GALNTL6: variants seen among roughly 807,000 people sequenced by gnomAD.
GALNTL6 encodes the protein polypeptide N-acetylgalactosaminyltransferase-like 6.
A neutral mutation model predicts 73.7 loss-of-function variants in GALNTL6; 46 were observed. That is an observed-to-expected ratio of 0.62 (90% CI 0.49 to 0.80). GALNTL6 has a LOEUF of 0.80. Among genes scored for constraint, GALNTL6 ranks in the 30% least tolerant of loss-of-function variants. The pLI is 0.00. For synonymous variants in GALNTL6, 259 were observed against 263.7 expected (o/e 0.98, Z 0.17); for missense variants, 604 against 755.0 (o/e 0.80, Z 2.34).
rs539378748 is a variant in GALNTL6 at position 172,725,533 on chromosome 4, A to G, written c.554-83828A>G. 2.0e-5 allele frequency among the ~76,000 whole-genome samples: 3 copies of G among 152,344 alleles called. No individual in the cohort carries two copies. In the South Asian group the frequency reaches 6.2e-4, roughly 32 times the overall value. On this transcript the variant is annotated intron_variant, in intron 5 of 12. Transcript: ENST00000506823. ...CTTTATCAAAGATAATCAAAATTAT[A>G]AACAGTATAAATGTTCCTAATTAGG...
At chr4:172,763,811 G>T (rs1027565036) in intron 5 of GALNTL6, among the ~76,000 whole-genome samples, 1 of 152,044 alleles carries the variant, frequency 6.6e-6, no homozygotes, top group African/African-American at 2.4e-5. Flanking sequence ...TAAAAATGAA[G>T]ACCTAAGAAT....
intron 3 of GALNTL6, among the ~76,000 whole-genome samples, chr4:172,234,929 T>C (rs927864285): frequency 5.9e-5 from 9 of 152,138 alleles, no homozygotes; most frequent in African/African-American, 2.2e-4. Flanking sequence ...ACCTGAACTT[T>C]TCTTGGAGCA....
chr4:172,115,104 A>G (rs1472180912), intron 2 of GALNTL6, among the ~76,000 whole-genome samples: 2 of 152,084 alleles, frequency 1.3e-5, no homozygotes, highest in Non-Finnish European at 2.9e-5. Context: ...CCTTTCTACT[A>G]TCATTTATTC....
intron 2 of GALNTL6, among the ~76,000 whole-genome samples, chr4:172,083,305 T>A (rs1456019826): frequency 2.0e-5 from 3 of 152,184 alleles, no homozygotes; most frequent in African/African-American, 7.2e-5. Context: ...TGATCCTTTT[T>A]ATACATATTA....
chr4:172,788,149 C>T (rs1006362996), intron 5 of GALNTL6, among the ~76,000 whole-genome samples: 5 of 151,896 alleles, frequency 3.3e-5, no homozygotes, highest in Non-Finnish European at 5.9e-5. Flanking sequence ...AATTTGAGAC[C>T]AGCCTGGGCA....
chr4:172,094,392 G>A (rs1047488134), intron 2 of GALNTL6, among the ~76,000 whole-genome samples: 10 of 151,952 alleles, frequency 6.6e-5, no homozygotes, highest in Non-Finnish European at 1.3e-4. Context: ...ATAATTTGGG[G>A]TTCAATCAAG....
intron 2 of GALNTL6, among the ~76,000 whole-genome samples, chr4:172,206,861 A>G (rs1398238507): frequency 8.3e-6 from 1 of 119,796 alleles, no homozygotes; most frequent in East Asian, 2.5e-4. Flanking sequence ...TCTGTCGCCC[A>G]GGCTGGAGTG....
chr4:172,637,737 G>A (rs924128286), intron 5 of GALNTL6, among the ~76,000 whole-genome samples: 17 of 152,032 alleles, frequency 1.1e-4, no homozygotes, highest in African/African-American at 3.9e-4. Flanking sequence ...TAACTTATTG[G>A]GTAAAGTTCT....
chr4:172,146,049 A>G (rs967894406), intron 2 of GALNTL6, among the ~76,000 whole-genome samples: 1 of 152,228 alleles, frequency 6.6e-6, no homozygotes, highest in African/African-American at 2.4e-5. Context: ...ACTCCAGGTC[A>G]AAGAATATTT....
At chr4:172,380,044 G>T (rs1743222283) in intron 5 of GALNTL6, 2 of 960,866 alleles carry the variant, frequency 2.1e-6, no homozygotes, top group African/African-American at 1.6e-5. Flanking sequence ...ATTATTCATG[G>T]CATATAGCCT....
At chr4:172,121,529 T>TTAAG (rs1365613157) in intron 2 of GALNTL6, among the ~76,000 whole-genome samples, 1 of 152,140 alleles carries the variant, frequency 6.6e-6, no homozygotes, top group Non-Finnish European at 1.5e-5. Flanking sequence ...TTTCCTGTAT[T>TTAAG]TAAGTTTTGA....
intron 5 of GALNTL6, among the ~76,000 whole-genome samples, chr4:172,577,173 A>G (rs1736986963): frequency 6.6e-6 from 1 of 152,180 alleles, no homozygotes; most frequent in African/African-American, 2.4e-5. Flanking sequence ...TAATTGTTTA[A>G]TGAATATTTT....
At chr4:172,855,905 T>C (rs894879146) in intron 7 of GALNTL6, among the ~76,000 whole-genome samples, 3 of 152,308 alleles carry the variant, frequency 2.0e-5, no homozygotes, top group East Asian at 3.9e-4. Context: ...CTGTCTGTGG[T>C]GCAATCGACA....
chr4:172,634,907 C>A (rs1739594076), intron 5 of GALNTL6, among the ~76,000 whole-genome samples: 1 of 152,106 alleles, frequency 6.6e-6, no homozygotes, highest in African/African-American at 2.4e-5. Flanking sequence ...AAGAAAATAT[C>A]TGAGCATCAG....
intron 2 of GALNTL6, among the ~76,000 whole-genome samples, chr4:171,831,532 A>G (rs369407450): frequency 1.4e-4 from 22 of 151,882 alleles, no homozygotes; most frequent in East Asian, 5.8e-4. Flanking sequence ...TGACATTTCT[A>G]TCTACTTTTT....
At chr4:171,988,154 A>G (rs1328314280) in intron 2 of GALNTL6, among the ~76,000 whole-genome samples, 2 of 152,210 alleles carry the variant, frequency 1.3e-5, no homozygotes, top group East Asian at 3.9e-4. Flanking sequence ...ACAGTAGGTC[A>G]AGTTGTTTGG....
intron 5 of GALNTL6, among the ~76,000 whole-genome samples, chr4:172,539,686 GTTCT>G (rs1356956525): frequency 6.6e-6 from 1 of 151,786 alleles, no homozygotes; most frequent in African/African-American, 2.4e-5. Flanking sequence ...AATCTCTAGA[GTTCT>G]TTCTAATTCT....
At chr4:172,420,929 G>A (rs989743365) in intron 5 of GALNTL6, among the ~76,000 whole-genome samples, 4 of 151,914 alleles carry the variant, frequency 2.6e-5, no homozygotes, top group African/African-American at 9.7e-5. Context: ...ACCAAACACT[G>A]CATGTTCTCA....
At chr4:171,816,578 T>C (rs1579478272) in intron 2 of GALNTL6, among the ~76,000 whole-genome samples, 1 of 152,050 alleles carries the variant, frequency 6.6e-6, no homozygotes, top group Non-Finnish European at 1.5e-5. Flanking sequence ...AATAACTCTA[T>C]GTAGAGGCTT....
Sources: allele counts gnomAD v4.1 joint callset (sites outside exome capture counted in the v4.1 genomes callset), GRCh38; gene constraint gnomAD v4.1.1; transcripts MANE v1.5; gene names NCBI Gene and HGNC (gene_info 2026-07-23, HGNC 2026-07-21).